MGAT1: variants seen among roughly 807,000 people sequenced by gnomAD.
MGAT1 encodes N-glycosyl-oligosaccharide-glycoprotein N-acetylglucosaminyltransferase I.
In MGAT1, 14 loss-of-function variants were observed where a neutral mutation model predicts 31.7. The ratio of observed to expected loss-of-function variants is 0.44; its 90% CI spans 0.29 to 0.69. The LOEUF is 0.69. Ranked by LOEUF, MGAT1 falls within the 30% of genes least tolerant of loss-of-function variation. The probability of loss-of-function intolerance (pLI) is 0.12; values close to 1 mark genes in which losing one functional copy is unlikely to be tolerated. For missense variants in MGAT1, 557 were observed against 626.0 expected, an observed-to-expected ratio of 0.89 and a Z score of 1.18; for synonymous variants, 338 against 276.0, an observed-to-expected ratio of 1.22 and a Z score of -2.23.
At chr5:180,809,691 G>A (rs1054170940) in intron 1 of MGAT1, 1 of 151,740 alleles carries the variant, frequency 6.6e-6, no homozygotes, top group African/African-American at 2.4e-5. Flanking sequence ...AATGTTTAAG[G>A]CCCAAGTCCT....
chr5:180,792,337 A>G lies in MGAT1; in HGVS notation c.635T>C (p.Leu212Pro). 1 of 1,611,340 alleles carries G rather than the reference A, an allele frequency of 6.2e-7. No homozygotes were observed. The highest frequency in any genetic ancestry group is 8.5e-7 in the Non-Finnish European group (1 of 1,178,516). Residue 212 changes from leucine (L) to proline (P), a missense_variant, in exon 2 of 2, where the codon CTG (leucine) becomes CCG (proline). Transcript: ENST00000307826. ...FPAAVVVEDDLEVAPDFFEYF... is the reference protein window; with the variant it reads ...FPAAVVVEDDPEVAPDFFEYF... ...CTCGAAGAAGTCCGGGGCCACCTCCAGGTCATCCTCCACCACCACGGCCGC... is the reference window on the plus strand; with the variant it reads ...CTCGAAGAAGTCCGGGGCCACCTCCGGGTCATCCTCCACCACCACGGCCGC...
chr5:180,808,129 GTT>G (rs1173917783), intron 2 of MGAT1, among the ~76,000 whole-genome samples: 4 of 152,176 alleles, frequency 2.6e-5, no homozygotes, highest in African/African-American at 9.7e-5. Context: ...CCTGTGTTCT[GTT>G]CCTCTGCTCT....
At chr5:180,804,656 G>A (rs1259712015), upstream of MGAT1, among the ~76,000 whole-genome samples, 1 of 152,178 alleles carries the variant, frequency 6.6e-6, no homozygotes, top group African/African-American at 2.4e-5. Context: ...AAGGCGTAAA[G>A]GAAAAAACAA....
intron 1 of MGAT1, chr5:180,811,243 C>G (rs906182938): frequency 6.6e-6 from 1 of 152,212 alleles, no homozygotes; most frequent in African/African-American, 2.4e-5. Context: ...TGGGATTTCT[C>G]CAGAGCACGG....
rs1343137479 is a variant in MGAT1 at position 180,786,025 on chromosome 5, G to A, written c.*5609C>T. 6.6e-6 allele frequency: 1 copy of A among 152,296 alleles called. No individual in the cohort carries two copies. Among genetic ancestry groups the A allele is most frequent in the Non-Finnish European group, 1.5e-5 (1 of 68,064 alleles). 9.4% of individuals were successfully genotyped at this position (152,296 alleles called of 1,614,324 possible). A position where few individuals can be genotyped will look rare whatever the true frequency, so the allele number is the denominator to read the frequency against. On this transcript the variant is annotated 3_prime_UTR_variant, in exon 2 of 2. Coordinates refer to ENST00000307826, the MANE Select transcript of MGAT1 (RefSeq NM_002406.4). ...CTGCCCACTGCTTTTGTTCCATAAA[G>A]AATGAGGCTTGCCCTCCCTTCCCCT...
At chr5:180,796,763 C>T (rs1769479269) in intron 1 of MGAT1, among the ~76,000 whole-genome samples, 1 of 152,124 alleles carries the variant, frequency 6.6e-6, no homozygotes. Context: ...AGGTGCCTGC[C>T]ACCACGCCCA....
chr5:180,801,523 C>T (rs1770761480), intron 1 of MGAT1, among the ~76,000 whole-genome samples: 3 of 152,152 alleles, frequency 2.0e-5, no homozygotes, highest in Admixed American at 2.0e-4. Flanking sequence ...AGAAGATACA[C>T]TAAATAATTC....
intron 1 of MGAT1, among the ~76,000 whole-genome samples, chr5:180,811,591 CT>C (rs145796183): frequency 0.064 from 9,725 of 151,836 alleles, 407 homozygotes; most frequent in South Asian, 0.17. Flanking sequence ...CAATCTGTGT[CT>C]AGGATGCAAC....
At chr5:180,814,317 TC>T (rs1772734624) in intron 1 of MGAT1, among the ~76,000 whole-genome samples, 1 of 152,234 alleles carries the variant, frequency 6.6e-6, no homozygotes, top group Non-Finnish European at 1.5e-5. Flanking sequence ...ACTCACTTGT[TC>T]CCTCAATCTT....
intron 1 of MGAT1, among the ~76,000 whole-genome samples, chr5:180,801,062 G>A (rs578008590): frequency 1.1e-4 from 16 of 152,206 alleles, no homozygotes; most frequent in Non-Finnish European, 1.6e-4. Flanking sequence ...AGCTAAAACC[G>A]AGGTGGCTCT....
intron 1 of MGAT1, among the ~76,000 whole-genome samples, chr5:180,814,369 C>G (rs1319680498): frequency 6.6e-6 from 1 of 152,218 alleles, no homozygotes; most frequent in Admixed American, 6.5e-5. Flanking sequence ...CAACCGCTCC[C>G]TTCTTCTGAC....
rs1221364674 is a variant in MGAT1 at position 180,786,220 on chromosome 5, T to A, written c.*5414A>T. 6.6e-6 allele frequency: 1 copy of A among 152,160 alleles called. No individual in the cohort carries two copies. Among genetic ancestry groups the A allele is most frequent in the African/African-American group, 2.4e-5 (1 of 41,422 alleles). The allele number at this position is 152,160 out of a possible 1,614,324, so 9.4% of individuals were successfully genotyped here. On this transcript the variant is annotated 3_prime_UTR_variant, in exon 2 of 2. Transcript: ENST00000307826. The stretch of plus-strand genomic sequence containing the variant: ...TGTGTGTGGCCTTCAGGAATTTCAG[T>A]TTTCATGCATGACCCTGAGAAGACT...
intron 1 of MGAT1, among the ~76,000 whole-genome samples, chr5:180,813,671 G>T (rs1420631849): frequency 6.6e-6 from 1 of 152,146 alleles, no homozygotes; most frequent in Admixed American, 6.5e-5. Flanking sequence ...CATTTGGTGT[G>T]GGGTGGCCAA....
rs370910415 is a variant in MGAT1, at chr5:180,791,736, C to T, written c.1236G>A (p.Pro412=). 35 of 1,614,020 alleles carry T rather than the reference C, an allele frequency of 2.2e-5. No individual in the cohort carries two copies. The highest frequency in any genetic ancestry group is 1.2e-4 in the Admixed American group (7 of 60,010). Reference sequence around the variant, plus strand: ...TGACAATACCCCGGTAGCCAGCTCTCGGAACCCCCGACTTAAGGTCATCCA... The same window carrying T: ...TGACAATACCCCGGTAGCCAGCTCTTGGAACCCCCGACTTAAGGTCATCCA... ...GVMDDLKSGV[P]RAGYRGIVTF... The change falls in exon 2 of 2, where the codon CCG becomes CCA. Residue 412 remains proline, a synonymous_variant. Transcript: ENST00000307826.
At chr5:180,811,675 A>G (rs1043462195) in intron 1 of MGAT1, among the ~76,000 whole-genome samples, 1 of 143,434 alleles carries the variant, frequency 7.0e-6, no homozygotes, top group African/African-American at 2.8e-5. Flanking sequence ...CTACCCTCCC[A>G]GTCGCTGGGT....
At position 180,790,329 on chromosome 5, in the gene MGAT1, T is replaced by G. The variant is rs1312818334; in HGVS notation, c.*1305A>C. 1 of 152,320 alleles carries G rather than the reference T, an allele frequency of 6.6e-6. No individual in the cohort carries two copies. The highest frequency in any genetic ancestry group is 1.5e-5 in the Non-Finnish European group (1 of 68,182). The allele number at this position is 152,320 out of a possible 1,614,324, so 9.4% of individuals were successfully genotyped here. ...TACAGGACGATCAGCAGGAGCACAG[T>G]CCGGGGCTCCTCTCCACCTTGTGGC... On this transcript the variant is annotated 3_prime_UTR_variant, in exon 2 of 2. Coordinates refer to ENST00000307826, the MANE Select transcript of MGAT1 (RefSeq NM_002406.4).
intron 1 of MGAT1, among the ~76,000 whole-genome samples, chr5:180,800,036 G>A (rs183063629): frequency 8.4e-4 from 128 of 152,322 alleles, no homozygotes; most frequent in African/African-American, 2.6e-3. Context: ...CTGCAATGGC[G>A]TGAAAGACCA....
At chr5:180,813,563 A>G (rs1019335968) in intron 1 of MGAT1, among the ~76,000 whole-genome samples, 1 of 152,186 alleles carries the variant, frequency 6.6e-6, no homozygotes, top group Non-Finnish European at 1.5e-5. Flanking sequence ...CTGCCTTCAG[A>G]ATAAACACTT....
chr5:180,801,890 G>C (rs1195655293), intron 1 of MGAT1, among the ~76,000 whole-genome samples: 1 of 152,198 alleles, frequency 6.6e-6, no homozygotes, highest in East Asian at 1.9e-4. Context: ...CAGGGAAATG[G>C]GTGAGCTCAA....
Sources: allele counts gnomAD v4.1 joint callset (sites outside exome capture counted in the v4.1 genomes callset), GRCh38; gene constraint gnomAD v4.1.1; transcripts MANE v1.5; gene names NCBI Gene and HGNC (gene_info 2026-07-23, HGNC 2026-07-21).